RUBCNL: variants seen among roughly 807,000 people sequenced by gnomAD.
RUBCNL encodes protein associated with UVRAG as autophagy enhancer.
In RUBCNL, 62 loss-of-function variants were observed where a neutral mutation model predicts 69.5. The ratio of observed to expected loss-of-function variants is 0.89; its 90% CI spans 0.73 to 1.10. The LOEUF (loss-of-function observed/expected upper bound fraction) is 1.10, where lower values mean the gene tolerates loss of function less well. RUBCNL is among the 50% of genes least tolerant of loss of function. The probability of loss-of-function intolerance (pLI) is 0.00; values close to 1 mark genes in which losing one functional copy is unlikely to be tolerated. For missense variants in RUBCNL, 768 were observed against 798.1 expected, an observed-to-expected ratio of 0.96 and a Z score of 0.45; for synonymous variants, 291 against 303.6, an observed-to-expected ratio of 0.96 and a Z score of 0.43.
At chr13:46,346,158 G>C (rs746918871) in intron 12 of RUBCNL, among the ~76,000 whole-genome samples, 1 of 152,078 alleles carries the variant, frequency 6.6e-6, no homozygotes, top group African/African-American at 2.4e-5. Flanking sequence ...CTCCAAACCC[G>C]GCAGGTGTCG....
intron 10 of RUBCNL, among the ~76,000 whole-genome samples, chr13:46,355,705 T>C (rs901843299): frequency 9.2e-5 from 14 of 152,160 alleles, no homozygotes; most frequent in Non-Finnish European, 1.6e-4. Context: ...AGCCATTCCT[T>C]TACTCAACAA....
In RUBCNL at chr13:46,372,386, G is replaced by A. The variant is rs748955560; in HGVS notation, c.90C>T (p.Pro30=). The A allele has an allele frequency of 2.4e-5, 38 of 1,613,778 alleles. No individual in the cohort carries two copies. Among genetic ancestry groups the A allele is most frequent in the Non-Finnish European group, 3.1e-5 (36 of 1,179,858 alleles). The stretch of plus-strand genomic sequence containing the variant: ...GAGGATGGTCAGTGTTCAGGAGTCT[G>A]GGCGAACCATCAATAATGCCAGAGT... ...SDHSGIIDGS[P]RLLNTDHPPC... Residue 30 remains proline, a synonymous_variant, in exon 3 of 15, where the codon CCC becomes CCT. Transcript: ENST00000429979.
At chr13:46,343,985 G>A (rs533739311) in intron 14 of RUBCNL, among the ~76,000 whole-genome samples, 2 of 152,152 alleles carry the variant, frequency 1.3e-5, no homozygotes, top group Non-Finnish European at 2.9e-5. Flanking sequence ...AGAGCTCCCC[G>A]TGAGATGAGC....
intron 3 of RUBCNL, among the ~76,000 whole-genome samples, chr13:46,370,565 G>A (rs532293098): frequency 2.0e-5 from 3 of 152,160 alleles, no homozygotes; most frequent in South Asian, 2.1e-4. Context: ...AAAACATTCC[G>A]TGAGTTGTTT....
chr13:46,344,756 A>T lies in RUBCNL; in HGVS notation c.1861T>A (p.Cys621Ser). The T allele has an allele frequency of 6.2e-7, 1 of 1,607,922 alleles. No individual in the cohort carries two copies. Residue 621 changes from cysteine (C) to serine (S), a missense_variant, in exon 14 of 15, where the codon TGT becomes AGT. Physicochemically the swap from Cys to Ser is moderately radical, Grantham distance 112. Transcript: ENST00000429979. ...TATTAAATACCTGAACATCTTCTACATGTTGCTGTCTGAAATGGGAAGATG... is the reference window on the plus strand; with the variant it reads ...TATTAAATACCTGAACATCTTCTACTTGTTGCTGTCTGAAATGGGAAGATG... ...TVIFPFQTATCRRCSACRACF... is the reference protein window; with the variant it reads ...TVIFPFQTATSRRCSACRACF...
intron 14 of RUBCNL, among the ~76,000 whole-genome samples, chr13:46,344,246 C>T (rs1223967687): frequency 1.3e-5 from 2 of 152,186 alleles, no homozygotes; most frequent in African/African-American, 4.8e-5. Context: ...CAGGATCTCT[C>T]CCATTAAACA....
At position 46,354,443 on chromosome 13, in the gene RUBCNL, TA is replaced by T. The variant is rs201940274; in HGVS notation, c.1330+1988del. 1.3e-3 allele frequency among the ~76,000 whole-genome samples: 199 copies of T among 151,966 alleles called. 1 individual carries two copies. Among genetic ancestry groups the T allele is most frequent in the African/African-American group, 4.2e-3 (172 of 41,442 alleles). On this transcript the variant is annotated intron_variant, in intron 10 of 14. Transcript: ENST00000429979. ...CTAAAATTATCTCAAAGACAAAAGT[TA>T]AAAAAAATGTATCCTAGAAGCTAGA...
chr13:46,375,891 T>C (rs189532289), intron 2 of RUBCNL, among the ~76,000 whole-genome samples: 2 of 152,234 alleles, frequency 1.3e-5, no homozygotes, highest in African/African-American at 4.8e-5. Flanking sequence ...TTCTTCCATA[T>C]CTGTCACCAT....
chr13:46,371,317 A>ATTATTGC (rs2048870209), intron 3 of RUBCNL, among the ~76,000 whole-genome samples: 1 of 152,270 alleles, frequency 6.6e-6, no homozygotes, highest in African/African-American at 2.4e-5. Context: ...GTCACAGATT[A>ATTATTGC]TAACAATAAT....
chr13:46,363,975 T>C (rs1348393958), intron 5 of RUBCNL, among the ~76,000 whole-genome samples: 1 of 150,304 alleles, frequency 6.7e-6, no homozygotes, highest in Admixed American at 6.7e-5. Flanking sequence ...ATTATATTAT[T>C]AATATAATTA....
chr13:46,384,333 C>A (rs1424744178), intron 1 of RUBCNL, among the ~76,000 whole-genome samples: 2 of 152,142 alleles, frequency 1.3e-5, no homozygotes, highest in Non-Finnish European at 2.9e-5. Flanking sequence ...GAATTCAGTT[C>A]TTTTCTGATC....
chr13:46,362,411 T>A lies in RUBCNL; in HGVS notation c.986+127A>T, dbSNP rs2138752258. 5.6e-6 allele frequency: 3 copies of A among 538,960 alleles called. No individual in the cohort carries two copies. In the South Asian group the frequency reaches 8.4e-5, roughly 15 times the overall value. 33.4% of individuals were successfully genotyped at this position (538,960 alleles called of 1,614,324 possible). On this transcript the variant is annotated intron_variant, in intron 7 of 14. Coordinates refer to ENST00000429979, the MANE Select transcript of RUBCNL (RefSeq NM_025113.5). The stretch of plus-strand genomic sequence containing the variant: ...GTTTCATTTCTAGGTGATACTCTCC[T>A]AGATTCATGGGAACAAATCACTGGA...
rs1232993854 is a variant in RUBCNL at position 46,368,785 on chromosome 13, GA to G, written c.565del (p.Ser189LeufsTer16). The G allele has an allele frequency of 1.2e-6, 2 of 1,613,650 alleles. No individual in the cohort carries two copies. Among genetic ancestry groups the G allele is most frequent in the African/African-American group, 2.7e-5 (2 of 74,912 alleles). On this transcript the variant is annotated frameshift_variant, in exon 4 of 15. Coordinates refer to ENST00000429979, the MANE Select transcript of RUBCNL (RefSeq NM_025113.5). LOFTEE classifies it high-confidence loss of function. ...TACCTCTGGTGAGAAGGAATTCGAA[GA>G]AATGGTTCTTCTACTGACTTGAACA... ...GAVQVSRRTI[S>X]SNSFSPEVFV...
chr13:46,380,107 C>T (rs570313409), intron 1 of RUBCNL, among the ~76,000 whole-genome samples: 2 of 152,336 alleles, frequency 1.3e-5, no homozygotes, highest in African/African-American at 4.8e-5. Flanking sequence ...TCCACTCCAG[C>T]TGATTTAGCC....
At chr13:46,353,331 G>A (rs768254765) in intron 10 of RUBCNL, among the ~76,000 whole-genome samples, 1 of 152,192 alleles carries the variant, frequency 6.6e-6, no homozygotes, top group Non-Finnish European at 1.5e-5. Context: ...TTAGGCACCT[G>A]TGAGCTTCTG....
chr13:46,356,425 T>C lies in RUBCNL; in HGVS notation c.1330+7A>G. ...TCATAAGCAGGCGATCCATTATCCG[T>C]ACTTACTAGGCTCTACTGGAGTTCC... is the stretch of plus-strand genomic sequence containing the variant. On this transcript the variant is annotated splice_region_variant and intron_variant, in intron 10 of 14. Transcript: ENST00000429979. 2 of 1,613,684 alleles carry C rather than the reference T, an allele frequency of 1.2e-6. No homozygotes were observed. Among genetic ancestry groups the C allele is most frequent in the Non-Finnish European group, 1.7e-6 (2 of 1,179,762 alleles).
At chr13:46,358,385 T>C (rs1297818121) in intron 9 of RUBCNL, among the ~76,000 whole-genome samples, 5 of 152,240 alleles carry the variant, frequency 3.3e-5, no homozygotes, top group Non-Finnish European at 7.3e-5. Flanking sequence ...ATGTTTTGTG[T>C]ATAATCTTTG....
rs748353066 is a variant in RUBCNL, at chr13:46,343,243, G to A, written c.*142C>T. On this transcript the variant is annotated 3_prime_UTR_variant, in exon 15 of 15. Coordinates refer to ENST00000429979, the MANE Select transcript of RUBCNL (RefSeq NM_025113.5). ...AATCTGCATTCTTTTGAAACATTAAGTATATGCAATAAAGAGAATATAGAC... is the reference window on the plus strand; with the variant it reads ...AATCTGCATTCTTTTGAAACATTAAATATATGCAATAAAGAGAATATAGAC... 1 of 1,262,234 alleles carries A rather than the reference G, an allele frequency of 7.9e-7. No homozygotes were observed. The highest frequency in any genetic ancestry group is 2.6e-5 in the East Asian group (1 of 38,868). The allele number at this position is 1,262,234 out of a possible 1,614,324, so 78.2% of individuals were successfully genotyped here.
chr13:46,343,545 T>G, intron 14 of RUBCNL, 48 bp from the exon 15 acceptor site: 1 of 1,579,482 alleles, frequency 6.3e-7, no homozygotes, highest in Non-Finnish European at 8.7e-7. Context: ...TCTTGTTTTC[T>G]CACATTTCTG....
Sources: allele counts gnomAD v4.1 joint callset (sites outside exome capture counted in the v4.1 genomes callset), GRCh38; gene constraint gnomAD v4.1.1; transcripts MANE v1.5; gene names NCBI Gene and HGNC (gene_info 2026-07-23, HGNC 2026-07-21).